Variants in TMEM139 observed in about 807,000 individuals in gnomAD.
The protein encoded by TMEM139 is transmembrane protein 139.
TMEM139 carries 9 observed loss-of-function variants against 15.9 expected under a neutral mutation model. The ratio of observed to expected loss-of-function variants is 0.57; its 90% confidence interval spans 0.34 to 0.99. The LOEUF (loss-of-function observed/expected upper bound fraction) is 0.99. Ranked by LOEUF, TMEM139 falls within the 50% of genes least tolerant of loss-of-function variation. TMEM139 has a pLI of 0.02. For missense variants in TMEM139, 270 were observed against 267.7 expected, an observed-to-expected ratio of 1.01 and a Z score of -0.06; for synonymous variants, 95 against 110.5, an observed-to-expected ratio of 0.86 and a Z score of 0.88.
rs763077980 is a variant in TMEM139 at position 143,286,706 on chromosome 7, T to G, written c.528T>G (p.Asp176Glu). 6.2e-7 allele frequency: 1 copy of G among 1,614,212 alleles called. No individual in the cohort carries two copies. Among genetic ancestry groups the G allele is most frequent in the South Asian group, 1.1e-5 (1 of 91,086 alleles). Reference protein sequence around the residue: ...RGPRAVSTAPDLQSLAAVPTL... With the variant: ...RGPRAVSTAPELQSLAAVPTL... Reference sequence around the variant, plus strand: ...CACGGGCTGTGTCCACTGCTCCTGATCTGCAGAGCTTGGCGGCAGTCCCCA... The same window carrying G: ...CACGGGCTGTGTCCACTGCTCCTGAGCTGCAGAGCTTGGCGGCAGTCCCCA... The change falls in exon 3 of 3, where the codon GAT (aspartate) becomes GAG (glutamate). Residue 176 changes from aspartate (D) to glutamate (E), a missense_variant. Transcript: ENST00000359333.
chr7:143,284,941 C>T (rs572601489), upstream of TMEM139: 748 of 152,538 alleles, frequency 4.9e-3, 7 homozygotes, highest in South Asian at 0.014. Context: ...CACCACCCCC[C>T]ACCCCATCTA....
Position 143,286,536 on chromosome 7 carries a change from C to A in TMEM139, c.358C>A (p.Pro120Thr), listed in dbSNP as rs1375581859. 6.2e-7 allele frequency: 1 copy of A among 1,613,134 alleles called. No homozygotes were observed. Among genetic ancestry groups the A allele is most frequent in the African/African-American group, 1.3e-5 (1 of 74,710 alleles). Residue 120 changes from proline to threonine, a missense_variant, in exon 3 of 3, where the codon CCC becomes ACC. Coordinates refer to ENST00000359333, the MANE Select transcript of TMEM139 (RefSeq NM_001282876.2). ...ACCCCCCTACAGCACTGTTGTGATA[C>A]CCCCAGCACCTGAGGAGGAACAACC... Reference protein sequence around the residue: ...QPPPYSTVVIPPAPEEEQPSH... With the variant: ...QPPPYSTVVITPAPEEEQPSH...
At position 143,287,053 on chromosome 7, in the gene TMEM139, A is replaced by G. The variant is rs1291061676; in HGVS notation, c.*224A>G. The G allele has an allele frequency of 1.8e-5, 9 of 495,256 alleles. No individual in the cohort carries two copies. Among genetic ancestry groups the G allele is most frequent in the Non-Finnish European group, 2.9e-5 (8 of 279,860 alleles). 30.7% of individuals were successfully genotyped at this position (495,256 alleles called of 1,614,324 possible). On this transcript the variant is annotated 3_prime_UTR_variant, in exon 3 of 3. Coordinates refer to ENST00000359333, the MANE Select transcript of TMEM139 (RefSeq NM_001282876.2). ...CATTTGGTGACCTACCCCATATCCA[A>G]TATTTCCAGCGTTAGATTGAGGATG...
rs1025897756 is a variant in TMEM139, at chr7:143,287,993, T to G, written c.*1164T>G. ...GTCCAGGGCCTTGTCGCGCTCTCAG[T>G]CTCCTTCGCAGCCTGGCCCCAACCG... On this transcript the variant is annotated 3_prime_UTR_variant, in exon 3 of 3. Transcript: ENST00000359333. 9.2e-5 allele frequency: 16 copies of G among 173,060 alleles called. No homozygotes were observed. Among genetic ancestry groups the G allele is most frequent in the Non-Finnish European group, 3.7e-5 (3 of 80,492 alleles). The allele number at this position is 173,060 out of a possible 1,614,324, so 10.7% of individuals were successfully genotyped here.
rs1801293634 is a variant in TMEM139 at position 143,286,211 on chromosome 7, A to C, written c.245+9A>C. 1 of 1,613,414 alleles carries C rather than the reference A, an allele frequency of 6.2e-7. No individual in the cohort carries two copies. The highest frequency in any genetic ancestry group is 8.5e-7 in the Non-Finnish European group (1 of 1,179,856). On this transcript the variant is annotated intron_variant, in intron 2 of 2. Transcript: ENST00000359333. ...CCCTCAGGCAATGCACGGTGAGTTA[A>C]GGGTGGGCATCGTAAGAGGAATACA...
chr7:143,285,909 T>C, intron 1 of TMEM139, 32 bp from the exon 2 acceptor site: 1 of 1,611,982 alleles, frequency 6.2e-7, no homozygotes, highest in Non-Finnish European at 8.5e-7. Flanking sequence ...CAATTGCTAG[T>C]GTAGACACAA....
intron 1 of TMEM139, 180 bp downstream of exon 1, chr7:143,285,625 CG>C (rs1409071195): frequency 6.0e-6 from 2 of 334,626 alleles, no homozygotes; most frequent in Non-Finnish European, 1.1e-5. Context: ...TGCCCAGGAC[CG>C]GATCCTGGAT....
At position 143,287,170 on chromosome 7, in the gene TMEM139, TA is replaced by T; in HGVS notation, c.*342del. ...CTGTTCCAGGTGCTGTTCGAGCTGTTAGAACCCTTAGGCTTGACAGCTTTGT... is the reference window on the plus strand; with the variant it reads ...CTGTTCCAGGTGCTGTTCGAGCTGTTGAACCCTTAGGCTTGACAGCTTTGT... On this transcript the variant is annotated 3_prime_UTR_variant, in exon 3 of 3. Coordinates refer to ENST00000359333, the MANE Select transcript of TMEM139 (RefSeq NM_001282876.2). 4.7e-6 allele frequency: 1 copy of T among 212,634 alleles called. No homozygotes were observed. 13.2% of individuals were successfully genotyped at this position (212,634 alleles called of 1,614,324 possible). A position where few individuals can be genotyped will look rare whatever the true frequency, so the allele number is the denominator to read the frequency against.
intron 1 of TMEM139, 117 bp from the exon 2 acceptor site, chr7:143,285,824 T>G (rs1586439119): frequency 7.2e-7 from 1 of 1,383,098 alleles, no homozygotes; most frequent in Non-Finnish European, 9.9e-7. Flanking sequence ...GATGATTTAT[T>G]TGAGATTGAA....
chr7:143,286,777 G>A lies in TMEM139; in HGVS notation c.599G>A (p.Gly200Asp), dbSNP rs927169891. The change falls in exon 3 of 3, where the codon GGT becomes GAT. Residue 200 changes from glycine (G) to aspartate (D), a missense_variant. By Grantham distance (94) the Gly-to-Asp change is moderately conservative (BLOSUM62 -1). Transcript: ENST00000359333. Reference protein sequence around the residue: ...TPPPAYDVCFGHPDDDSVFYE... With the variant: ...TPPPAYDVCFDHPDDDSVFYE... ...CCCCCTGCCTATGATGTCTGCTTTGGTCACCCTGATGATGATAGTGTTTTT... is the reference window on the plus strand; with the variant it reads ...CCCCCTGCCTATGATGTCTGCTTTGATCACCCTGATGATGATAGTGTTTTT... 1.6e-5 allele frequency: 26 copies of A among 1,613,932 alleles called. No homozygotes were observed. Among genetic ancestry groups the A allele is most frequent in the Non-Finnish European group, 2.0e-5 (24 of 1,179,892 alleles).
At chr7:143,285,510 G>C (rs1187716423) in intron 1 of TMEM139, 65 bp downstream of exon 1, 1 of 193,826 alleles carries the variant, frequency 5.2e-6, no homozygotes, top group African/African-American at 2.3e-5. Context: ...GGCTGGGGAG[G>C]TGGGGGTGGA....
rs186619592 is a variant in TMEM139, at chr7:143,285,454, G to A, written c.-18+9G>A. The A allele has an allele frequency of 6.3e-5, 11 of 175,290 alleles. No individual in the cohort carries two copies. In the East Asian group the frequency reaches 1.4e-3, roughly 22 times the overall value. The allele number at this position is 175,290 out of a possible 1,614,324, so 10.9% of individuals were successfully genotyped here. The stretch of plus-strand genomic sequence containing the variant: ...AGACAGAGTCAGACAGGGTAAGTGG[G>A]GCTCCCTCCCCTCTTCTCTCTAACG... On this transcript the variant is annotated intron_variant, in intron 1 of 2. Coordinates refer to ENST00000359333, the MANE Select transcript of TMEM139 (RefSeq NM_001282876.2).
Position 143,286,740 on chromosome 7 carries a change from C to T in TMEM139, c.562C>T (p.Pro188Ser), listed in dbSNP as rs1239960196. Residue 188 changes from proline (P) to serine (S), a missense_variant, in exon 3 of 3, where the codon CCT (proline) becomes TCT (serine). Pro to Ser is a moderately conservative substitution (Grantham distance 74). Transcript: ENST00000359333. Reference sequence around the variant, plus strand: ...CTTGGCGGCAGTCCCCACATTAGAGCCTCTGACTCCACCCCCTGCCTATGA... The same window carrying T: ...CTTGGCGGCAGTCCCCACATTAGAGTCTCTGACTCCACCCCCTGCCTATGA... ...QSLAAVPTLE[P>S]LTPPPAYDVC... The T allele has an allele frequency of 6.2e-7, 1 of 1,614,150 alleles. No homozygotes were observed.
chr7:143,285,581 G>T (rs761536935), intron 1 of TMEM139, 136 bp downstream of exon 1: 20 of 257,086 alleles, frequency 7.8e-5, no homozygotes, highest in Non-Finnish European at 1.4e-4. Flanking sequence ...GAATTCCAGA[G>T]ATGCCAGTGT....
rs759706603 is a variant in TMEM139 at position 143,286,620 on chromosome 7, G to A, written c.442G>A (p.Gly148Arg). The A allele has an allele frequency of 5.0e-6, 8 of 1,613,984 alleles. No individual in the cohort carries two copies. In the Admixed American group the frequency reaches 1.3e-4, roughly 27 times the overall value. ...GGAACAGAGGCGAATGGCCTCAGAG[G>A]GGTCCATGGCCCAGGAAGGAAGCCC... ...KLEQRRMASE[G>R]SMAQEGSPGR... The change falls in exon 3 of 3, where the codon GGG becomes AGG. Residue 148 changes from glycine (G) to arginine (R), a missense_variant. Physicochemically the swap from Gly to Arg is moderately radical, Grantham distance 125. Transcript: ENST00000359333.
Position 143,286,492 on chromosome 7 carries a change from C to T in TMEM139, c.314C>T (p.Pro105Leu), listed in dbSNP as rs770785032. The change falls in exon 3 of 3, where the codon CCC becomes CTC. Residue 105 changes from proline (P) to leucine (L), a missense_variant. Pro to Leu is a moderately conservative substitution (Grantham distance 98). Coordinates refer to ENST00000359333, the MANE Select transcript of TMEM139 (RefSeq NM_001282876.2). ...GTGGGACTAGAATCCCAGTGCCGCC[C>T]CCAAGAGTTGGACCAACCACCCCCC... ...AVVGLESQCR[P>L]QELDQPPPYS... The T allele has an allele frequency of 4.4e-6, 7 of 1,581,124 alleles. No homozygotes were observed. Among genetic ancestry groups the T allele is most frequent in the Admixed American group, 1.8e-5 (1 of 54,484 alleles).
At position 143,286,654 on chromosome 7, in the gene TMEM139, C is replaced by T. The variant is rs749065072; in HGVS notation, c.476C>T (p.Ala159Val). 6.2e-7 allele frequency: 1 copy of T among 1,614,220 alleles called. No homozygotes were observed. Among genetic ancestry groups the T allele is most frequent in the Non-Finnish European group, 8.5e-7 (1 of 1,180,036 alleles). ...GCCCAGGAAGGAAGCCCTGGAAGAG[C>T]TCCAATCAACCTTCGGCTTCGGGGA... ...SMAQEGSPGR[A>V]PINLRLRGPR... is the part of the protein sequence containing the mutation. Residue 159 changes from alanine (A) to valine (V), a missense_variant, in exon 3 of 3, where the codon GCT becomes GTT. Transcript: ENST00000359333.
intron 1 of TMEM139, chr7:143,285,699 C>CATGACACAGTCAACTTACAGA: frequency 1.9e-6 from 1 of 527,410 alleles, no homozygotes; most frequent in South Asian, 2.1e-5. Flanking sequence ...AAGGCAGAGC[C>CATGACACAGTCAACTTACAGA]ATGACACAGT....
chr7:143,284,943 C>G (rs1801208064), upstream of TMEM139: 1 of 152,406 alleles, frequency 6.6e-6, no homozygotes, highest in African/African-American at 2.4e-5. Flanking sequence ...CCACCCCCCA[C>G]CCCATCTACT....
Sources: gnomAD v4.1 joint callset for allele counts on GRCh38, gnomAD v4.1.1 for gene constraint, MANE v1.5 for transcripts, NCBI Gene and HGNC (gene_info 2026-07-23, HGNC 2026-07-21) for gene names.